Variants in PCCA observed in about 807,000 individuals in gnomAD.
PCCA encodes the protein propionyl-CoA carboxylase subunit alpha, also known as propionyl-CoA carboxylase alpha chain, mitochondrial.
In PCCA, 74 loss-of-function variants were observed where a neutral mutation model predicts 101.3. That is an observed-to-expected ratio of 0.73 (90% confidence interval 0.61 to 0.89). The LOEUF (loss-of-function observed/expected upper bound fraction) is 0.89. PCCA is among the 40% of genes least tolerant of loss of function. The pLI is 0.00. For missense variants in PCCA, 891 were observed against 907.0 expected (o/e 0.98, Z 0.23); for synonymous variants, 294 against 313.6 (o/e 0.94, Z 0.66).
chr13:100,111,643 C>T (rs2048332284), intron 2 of PCCA, among the ~76,000 whole-genome samples, 198 bp from the exon 3 acceptor site: 1 of 151,988 alleles, frequency 6.6e-6, no homozygotes, highest in African/African-American at 2.4e-5. Flanking sequence ...TATTTAATAA[C>T]CTATTTTAAT....
chr13:100,439,889 T>C (rs1434144814), intron 20 of PCCA, among the ~76,000 whole-genome samples: 1 of 152,138 alleles, frequency 6.6e-6, no homozygotes, highest in Non-Finnish European at 1.5e-5. Flanking sequence ...CTATTCATGC[T>C]GTACCTTTGA....
chr13:100,242,733 G>C (rs1466487177), intron 8 of PCCA, among the ~76,000 whole-genome samples: 2 of 152,144 alleles, frequency 1.3e-5, no homozygotes, highest in Non-Finnish European at 2.9e-5. Context: ...CCAAGACTTA[G>C]TTTGATATAG....
At chr13:100,092,486 C>T (rs2152208125) in intron 1 of PCCA, among the ~76,000 whole-genome samples, 1 of 151,958 alleles carries the variant, frequency 6.6e-6, no homozygotes, top group Non-Finnish European at 1.5e-5. Context: ...GGGCTCAAGC[C>T]ATCCTCCCAT....
At chr13:100,438,384 G>C (rs1483655091) in intron 20 of PCCA, among the ~76,000 whole-genome samples, 1 of 151,956 alleles carries the variant, frequency 6.6e-6, no homozygotes, top group Non-Finnish European at 1.5e-5. Context: ...GGACTCCAGT[G>C]ATCATCCCGC....
At chr13:100,224,084 G>A (rs1420532392) in intron 7 of PCCA, among the ~76,000 whole-genome samples, 2 of 152,246 alleles carry the variant, frequency 1.3e-5, no homozygotes, top group Non-Finnish European at 2.9e-5. Context: ...ATGGGACTGG[G>A]CACCGTGGAG....
chr13:100,225,183 C>T (rs1216465168), intron 7 of PCCA, among the ~76,000 whole-genome samples: 1 of 152,102 alleles, frequency 6.6e-6, no homozygotes, highest in African/African-American at 2.4e-5. Context: ...GTATTGTATG[C>T]AACAAAGTAG....
chr13:100,503,487 T>TC (rs141205457), intron 21 of PCCA, among the ~76,000 whole-genome samples: 58 of 150,402 alleles, frequency 3.9e-4, no homozygotes, highest in East Asian at 9.9e-4. Context: ...CGAAACTCCA[T>TC]CCCCCCCCAA....
intron 19 of PCCA, among the ~76,000 whole-genome samples, chr13:100,414,854 A>G (rs2078262205): frequency 6.6e-6 from 1 of 152,188 alleles, no homozygotes; most frequent in African/African-American, 2.4e-5. Context: ...AGAAGCAATA[A>G]ACATCTCCAT....
chr13:100,238,456 T>C lies in PCCA; in HGVS notation c.637+2578T>C, dbSNP rs189609674. On this transcript the variant is annotated intron_variant, in intron 8 of 23. Coordinates refer to ENST00000376285, the MANE Select transcript of PCCA (RefSeq NM_000282.4). ...GGGCACATCCTTTATGACTCCTTTC[T>C]CTTTCCTGTCCTTCTTCTAATTCTT... Among the ~76,000 whole-genome samples the C allele has an allele frequency of 1.6e-4, 25 of 152,330 alleles. No homozygotes were observed. The East Asian group carries it at 4.6e-3, about 28-fold the overall frequency.
At chr13:100,435,129 G>A (rs1035056752) in intron 20 of PCCA, among the ~76,000 whole-genome samples, 11 of 152,144 alleles carry the variant, frequency 7.2e-5, no homozygotes, top group Admixed American at 6.5e-5. Context: ...CAAGAAAACG[G>A]GTTTAAATGG....
chr13:100,405,065 G>T (rs2077590910), intron 19 of PCCA, among the ~76,000 whole-genome samples: 1 of 152,194 alleles, frequency 6.6e-6, no homozygotes, highest in South Asian at 2.1e-4. Flanking sequence ...TGAAACTGTG[G>T]AACTGAGTCC....
At chr13:100,492,284 G>A (rs1006213099) in intron 21 of PCCA, among the ~76,000 whole-genome samples, 3 of 152,032 alleles carry the variant, frequency 2.0e-5, no homozygotes, top group East Asian at 1.9e-4. Context: ...ACAGGTGCCC[G>A]CCACCATGCC....
intron 18 of PCCA, among the ~76,000 whole-genome samples, chr13:100,363,411 T>C (rs2074850432): frequency 6.6e-6 from 1 of 152,052 alleles, no homozygotes; most frequent in Non-Finnish European, 1.5e-5. Context: ...ATGGGAGGGC[T>C]CCTTTGTAGT....
At chr13:100,158,521 A>G (rs1387713330) in intron 6 of PCCA, among the ~76,000 whole-genome samples, 4 of 152,202 alleles carry the variant, frequency 2.6e-5, no homozygotes, top group Admixed American at 1.3e-4. Flanking sequence ...CCAGTTTCCC[A>G]GGTTTTATGC....
intron 22 of PCCA, among the ~76,000 whole-genome samples, chr13:100,522,796 G>A (rs1267163649): frequency 6.6e-6 from 1 of 152,178 alleles, no homozygotes; most frequent in African/African-American, 2.4e-5. Flanking sequence ...TCCACTCACT[G>A]TATCACCCCC....
At chr13:100,169,218 G>C (rs576466508) in intron 6 of PCCA, among the ~76,000 whole-genome samples, 65 of 152,058 alleles carry the variant, frequency 4.3e-4, no homozygotes, top group Non-Finnish European at 9.1e-4. Flanking sequence ...GAGGTGGGCG[G>C]ATCACCTGAG....
chr13:100,399,104 T>C (rs1213852477), intron 19 of PCCA, among the ~76,000 whole-genome samples: 1 of 152,114 alleles, frequency 6.6e-6, no homozygotes, highest in African/African-American at 2.4e-5. Flanking sequence ...ATATTTGCCT[T>C]AATTTTTGTT....
At chr13:100,461,342 G>A (rs1017327464) in intron 21 of PCCA, among the ~76,000 whole-genome samples, 2 of 152,168 alleles carry the variant, frequency 1.3e-5, no homozygotes, top group African/African-American at 4.8e-5. Context: ...CATCAAAAAG[G>A]TCTTCTGCTT....
rs1289177899 is a variant in PCCA at position 100,262,835 on chromosome 13, G to A, written c.819+4G>A. On this transcript the variant is annotated splice_donor_region_variant and intron_variant, in intron 10 of 23. Coordinates refer to ENST00000376285, the MANE Select transcript of PCCA (RefSeq NM_000282.4). The stretch of plus-strand genomic sequence containing the variant: ...TCCTCGTCATATAGAAATCCAGGTT[G>A]GTACATTTAAGATGCTTTTTCATTA... 2 of 1,180,930 alleles carry A rather than the reference G, an allele frequency of 1.7e-6. No homozygotes were observed. The highest frequency in any genetic ancestry group is 1.2e-5 in the South Asian group (1 of 80,198). The allele number at this position is 1,180,930 out of a possible 1,614,324, so 73.2% of individuals were successfully genotyped here. A position where few individuals can be genotyped will look rare whatever the true frequency, so the allele number is the denominator to read the frequency against.
Sources: gnomAD v4.1 joint callset for allele counts (sites outside exome capture counted in the v4.1 genomes callset) on GRCh38, gnomAD v4.1.1 for gene constraint, MANE v1.5 for transcripts, NCBI Gene and HGNC (gene_info 2026-07-23, HGNC 2026-07-21) for gene names.